EML2: variants seen among roughly 807,000 people sequenced by gnomAD.
The protein encoded by EML2 is EMAP like 2, also known as echinoderm microtubule-associated protein-like 2.
Under a neutral mutation model 84.7 loss-of-function variants are expected in EML2, and 59 were observed. The observed-to-expected ratio is 0.70, with a 90% CI of 0.56 to 0.86. The LOEUF is 0.86. EML2 is among the 40% of genes least tolerant of loss of function. The pLI, the probability that EML2 is intolerant of heterozygous loss-of-function variation, is 0.00. For missense variants in EML2, 818 were observed against 855.6 expected, an observed-to-expected ratio of 0.96 and a Z score of 0.55; for synonymous variants, 352 against 348.9, an observed-to-expected ratio of 1.01 and a Z score of -0.10.
Position 45,638,553 on chromosome 19 carries a change from A to C in EML2, c.131T>G (p.Leu44Arg), listed in dbSNP as rs1339500475. 2 of 1,614,106 alleles carry C rather than the reference A, an allele frequency of 1.2e-6. No individual in the cohort carries two copies. The highest frequency in any genetic ancestry group is 3.3e-5 in the Admixed American group (2 of 60,008). The part of the protein sequence containing the change: ...IPDELAPTYS[L>R]DTRSELPSCR... ...AGAAGGCAGCTCCGAGCGTGTGTCC[A>C]GGCTGTAGGTGGGTGCCAGCTCGTC... is the stretch of plus-strand genomic sequence containing the variant. Residue 44 changes from leucine to arginine, a missense_variant, in exon 3 of 19, where the codon CTG becomes CGG. Coordinates refer to ENST00000245925, the MANE Select transcript of EML2 (RefSeq NM_012155.4).
At chr19:45,639,449 C>A, upstream of EML2, 4 of 1,232,584 alleles carry the variant, frequency 3.2e-6, no homozygotes, top group Non-Finnish European at 4.1e-6. Context: ...CCCTGGGAGG[C>A]GCCCGGGCCG....
intron 3 of EML2, among the ~76,000 whole-genome samples, chr19:45,637,630 C>A (rs1176875452): frequency 6.6e-6 from 1 of 150,468 alleles, no homozygotes; most frequent in Admixed American, 6.6e-5. Context: ...CAGGAGCATG[C>A]CACCATGGCT....
chr19:45,614,642 CCATT>C lies in EML2; in HGVS notation c.1652_1655del (p.Glu551GlyfsTer8). On this transcript the variant is annotated frameshift_variant, in exon 17 of 19. Transcript: ENST00000245925. LOFTEE classifies it high-confidence loss of function. ...ACCCTAGGACACAAGTAGCTGTGGCCCATTCCATGTTCCTCACAGCATCCGCACT... is the reference window on the plus strand; with the variant it reads ...ACCCTAGGACACAAGTAGCTGTGGCCCCATGTTCCTCACAGCATCCGCACT... The C allele has an allele frequency of 6.2e-7, 1 of 1,614,076 alleles. No homozygotes were observed. The highest frequency in any genetic ancestry group is 1.1e-5 in the South Asian group (1 of 91,084).
At chr19:45,615,996 G>A (rs1426160843) in intron 15 of EML2, 107 bp from the exon 16 acceptor site, 2 of 802,144 alleles carry the variant, frequency 2.5e-6, no homozygotes, top group Non-Finnish European at 4.2e-6. Flanking sequence ...GGTAGGGCGA[G>A]AACACAAGGG....
chr19:45,627,256 C>CAGTACCTTTCCTATACGGTAAATTAAAG (rs1160347103), intron 7 of EML2, among the ~76,000 whole-genome samples: 1 of 135,608 alleles, frequency 7.4e-6, no homozygotes. Context: ...TGCGCCCGGC[C>CAGTACCTTTCCTATACGGTAAATTAAAG]TTTTTTTTTT....
Position 45,616,635 on chromosome 19 carries a change from A to G in EML2, c.1412-77T>C, listed in dbSNP as rs575630303. Reference sequence around the variant, plus strand: ...CTCGCCCAGACTCAGCCCCCTCAACAGTCCCCAGCTCCATCCCCACTGCAT... The same window carrying G: ...CTCGCCCAGACTCAGCCCCCTCAACGGTCCCCAGCTCCATCCCCACTGCAT... On this transcript the variant is annotated intron_variant, in intron 14 of 18. Transcript: ENST00000245925. The G allele has an allele frequency of 2.2e-5, 31 of 1,404,702 alleles. No homozygotes were observed. The African/African-American group carries it at 4.2e-4, about 19-fold the overall frequency. 87.0% of individuals were successfully genotyped at this position (1,404,702 alleles called of 1,614,324 possible).
intron 6 of EML2, 50 bp from the exon 7 acceptor site, chr19:45,630,096 C>CTG: frequency 7.2e-7 from 1 of 1,391,848 alleles, no homozygotes; most frequent in Non-Finnish European, 1.0e-6. Flanking sequence ...AGTCAGGGCC[C>CTG]ATCCTCCCCC....
Position 45,624,812 on chromosome 19 carries a change from C to T in EML2, c.748G>A (p.Glu250Lys), listed in dbSNP as rs1385711647. ...ACACACAGCACATACTTCGGTTTCT[C>T]ATGTTTCTAAGGTGGGGGAGGAAAG... ...SKRQGLFEKHEKPKYVLCVTF... is the reference protein window; with the variant it reads ...SKRQGLFEKHKKPKYVLCVTF... The change falls in exon 9 of 19, where the codon GAG becomes AAG. Residue 250 changes from glutamate to lysine, a missense_variant. By Grantham distance (56) the Glu-to-Lys change is moderately conservative. Coordinates refer to ENST00000245925, the MANE Select transcript of EML2 (RefSeq NM_012155.4). 6 of 1,611,430 alleles carry T rather than the reference C, an allele frequency of 3.7e-6. No homozygotes were observed. The highest frequency in any genetic ancestry group is 5.1e-6 in the Non-Finnish European group (6 of 1,178,682).
chr19:45,638,661 C>A (rs746730264), intron 2 of EML2, 27 bp from the exon 3 acceptor site: 1 of 1,611,330 alleles, frequency 6.2e-7, no homozygotes, highest in Non-Finnish European at 8.5e-7. Flanking sequence ...AGAGGTCAGG[C>A]ACTGACACCA....
At chr19:45,630,650 G>C (rs779791200) in intron 6 of EML2, among the ~76,000 whole-genome samples, 5 of 151,746 alleles carry the variant, frequency 3.3e-5, no homozygotes, top group African/African-American at 4.8e-5. Context: ...ATCTGAAATG[G>C]TTTCATACTA....
chr19:45,620,570 G>A lies in EML2; in HGVS notation c.1122+637C>T, dbSNP rs1482855185. Among the ~76,000 whole-genome samples, 5 of 151,956 alleles carry A rather than the reference G, an allele frequency of 3.3e-5. No homozygotes were observed. The East Asian group carries it at 9.7e-4, about 30-fold the overall frequency. On this transcript the variant is annotated intron_variant, in intron 11 of 18. Coordinates refer to ENST00000245925, the MANE Select transcript of EML2 (RefSeq NM_012155.4). ...CTAAAAATACAAAAATTAGCTGGGT[G>A]TAGTGGTACATGCCTATAATTCCAG...
intron 6 of EML2, among the ~76,000 whole-genome samples, chr19:45,632,355 T>C (rs1299048678): frequency 2.0e-5 from 3 of 151,890 alleles, no homozygotes; most frequent in African/African-American, 7.3e-5. Flanking sequence ...TTTTGTACTG[T>C]TTTTGGTAGA....
In EML2 at chr19:45,616,498, T is replaced by A. The variant is rs753817789; in HGVS notation, c.1472A>T (p.Gln491Leu). 1 of 1,597,980 alleles carries A rather than the reference T, an allele frequency of 6.3e-7. No individual in the cohort carries two copies. The highest frequency in any genetic ancestry group is 8.6e-7 in the Non-Finnish European group (1 of 1,167,612). The change falls in exon 15 of 19, where the codon CAG becomes CTG. Residue 491 changes from glutamine to leucine, a missense_variant. Physicochemically the swap from Gln to Leu is moderately radical, Grantham distance 113. Transcript: ENST00000245925. ...DNLVYVYTVD[Q>L]GGRKVSRLGK... ...CAGGCGGCTGACCTTGCGGCCGCCC[T>A]GGTCCACCGTGTACACGTACACCAA...
At chr19:45,645,189 G>A (rs1235778193), upstream of EML2, 1 of 1,409,328 alleles carries the variant, frequency 7.1e-7, no homozygotes, top group Non-Finnish European at 9.5e-7. Flanking sequence ...AGGGGGTTGG[G>A]GACTTGCAAG....
chr19:45,634,281 C>T (rs757886617), intron 4 of EML2, 41 bp downstream of exon 4: 3 of 1,611,164 alleles, frequency 1.9e-6, no homozygotes, highest in South Asian at 1.1e-5. Context: ...GCTCCATCTC[C>T]AGCCACAGCT....
chr19:45,633,331 C>G (rs373302818), intron 4 of EML2, among the ~76,000 whole-genome samples, 192 bp from the exon 5 acceptor site: 2 of 152,162 alleles, frequency 1.3e-5, no homozygotes, highest in Non-Finnish European at 2.9e-5. Flanking sequence ...AGGCCTGGGG[C>G]CTCTAACTCA....
chr19:45,619,353 G>C, intron 11 of EML2, 162 bp from the exon 12 acceptor site: 1 of 861,862 alleles, frequency 1.2e-6, no homozygotes, highest in Non-Finnish European at 1.7e-6. Context: ...CCTCAATTGG[G>C]CATCTGAACC....
Position 45,616,524 on chromosome 19 carries a change from G to A in EML2, c.1446C>T (p.Asn482=), listed in dbSNP as rs533694573. 5 of 1,610,884 alleles carry A rather than the reference G, an allele frequency of 3.1e-6. No individual in the cohort carries two copies. In the Admixed American group the frequency reaches 5.0e-5, roughly 16 times the overall value. ...GAYLAVGSHD[N]LVYVYTVDQG... The stretch of plus-strand genomic sequence containing the variant: ...GGTCCACCGTGTACACGTACACCAA[G>A]TTGTCGTGGGAGCCCACGGCCAGGT... The change falls in exon 15 of 19, where the codon AAC becomes AAT. Residue 482 remains asparagine (N), a synonymous_variant. Coordinates refer to ENST00000245925, the MANE Select transcript of EML2 (RefSeq NM_012155.4).
At chr19:45,629,757 G>T (rs1972803842) in intron 7 of EML2, among the ~76,000 whole-genome samples, 194 bp downstream of exon 7, 1 of 151,802 alleles carries the variant, frequency 6.6e-6, no homozygotes, top group African/African-American at 2.4e-5. Flanking sequence ...ACCTTGCCCA[G>T]CCTATTATCC....
Sources: gnomAD v4.1 joint callset for allele counts (sites outside exome capture counted in the v4.1 genomes callset) on GRCh38, gnomAD v4.1.1 for gene constraint, MANE v1.5 for transcripts, NCBI Gene and HGNC (gene_info 2026-07-23, HGNC 2026-07-21) for gene names.